Variants in F5 observed in about 807,000 individuals in gnomAD.
F5 encodes the protein activated protein c cofactor.
Under a neutral mutation model 216.4 loss-of-function variants are expected in F5, and 138 were observed. That is an observed-to-expected ratio of 0.64 (90% CI 0.56 to 0.73). The LOEUF (loss-of-function observed/expected upper bound fraction) is 0.73, where lower values mean the gene tolerates loss of function less well. F5 is among the 30% of genes least tolerant of loss of function. F5 has a pLI of 0.00. For missense variants in F5, 2,403 were observed against 2,674.0 expected (o/e 0.90, Z 2.24); for synonymous variants, 916 against 930.7 (o/e 0.98, Z 0.29).
intron 1 of F5, 64 bp from the exon 2 acceptor site, chr1:169,582,586 A>T (rs1661015165): frequency 1.2e-6 from 1 of 865,372 alleles, no homozygotes; most frequent in Non-Finnish European, 1.9e-6. Flanking sequence ...CACATTACAA[A>T]AAAAGTAGAT....
At chr1:169,577,303 C>T (rs1431971171) in intron 2 of F5, among the ~76,000 whole-genome samples, 1 of 151,982 alleles carries the variant, frequency 6.6e-6, no homozygotes, top group African/African-American at 2.4e-5. Flanking sequence ...TTTCAAAACT[C>T]CTTCAGGGAC....
chr1:169,529,536 A>G (rs1659539433), intron 16 of F5, 72 bp downstream of exon 16: 7 of 1,367,624 alleles, frequency 5.1e-6, no homozygotes, highest in Admixed American at 1.7e-5. Context: ...TCTTGTGAAT[A>G]TCTAAGGGCA....
rs987106941 is a variant in F5, at chr1:169,511,972, T to G, written c.*2341A>C. 1.3e-5 allele frequency among the ~76,000 whole-genome samples: 2 copies of G among 152,030 alleles called. No individual in the cohort carries two copies. The highest frequency in any genetic ancestry group is 4.8e-5 in the African/African-American group (2 of 41,412). ...AGAAATAAAAAGTGGGTATCTTTTT[T>G]ATTTCAAAATAACAGGGGTTTTAAT... On this transcript the variant is annotated 3_prime_UTR_variant, in exon 25 of 25. Transcript: ENST00000367797.
chr1:169,585,164 C>T (rs879917711), intron 1 of F5, among the ~76,000 whole-genome samples: 13 of 152,082 alleles, frequency 8.5e-5, no homozygotes, highest in South Asian at 6.2e-4. Context: ...CTTTGAAGTA[C>T]GATATTTAAA....
At chr1:169,538,480 C>CA (rs1189220590) in intron 13 of F5, among the ~76,000 whole-genome samples, 7 of 152,006 alleles carry the variant, frequency 4.6e-5, no homozygotes, top group Non-Finnish European at 7.4e-5. Context: ...GTTCTAACCA[C>CA]AAAAAAGTAT....
chr1:169,558,236 C>T (rs560335775), intron 5 of F5, among the ~76,000 whole-genome samples: 7 of 152,138 alleles, frequency 4.6e-5, no homozygotes, highest in South Asian at 4.1e-4. Flanking sequence ...TATCTAAGGT[C>T]GAGGTCAGTT....
chr1:169,522,334 A>G (rs1442334439), intron 21 of F5, among the ~76,000 whole-genome samples: 2 of 152,186 alleles, frequency 1.3e-5, no homozygotes, highest in Non-Finnish European at 2.9e-5. Context: ...GAAAGCTAGT[A>G]TAACTGTGGT....
rs746787195 is a variant in F5 at position 169,541,341 on chromosome 1, G to C, written c.3749C>G (p.Ser1250Cys). ...GAGGTTTGTCTGGCTGAGGTCTAAA[G>C]AAAGGGTTGTATGGCTGAGGTCTGG... ...LSPDLSHTTLSLDLSQTNLSP... is the reference protein window; with the variant it reads ...LSPDLSHTTLCLDLSQTNLSP... Residue 1250 changes from serine (S) to cysteine (C), a missense_variant, in exon 13 of 25, where the codon TCT becomes TGT. By Grantham distance (112) the Ser-to-Cys change is moderately radical (BLOSUM62 -1). This residue lies in a region of F5 where 1,425 missense variants were observed against 1,554.8 expected (regional missense o/e 0.92). Coordinates refer to ENST00000367797, the MANE Select transcript of F5 (RefSeq NM_000130.5). 6.8e-6 allele frequency: 11 copies of C among 1,610,558 alleles called. No individual in the cohort carries two copies. Among genetic ancestry groups the C allele is most frequent in the Non-Finnish European group, 9.3e-6 (11 of 1,178,568 alleles).
Position 169,530,900 on chromosome 1 carries a change from A to AT in F5, c.5093dup (p.Asn1698LysfsTer7), listed in dbSNP as rs1354967271. ...TATAACTGCTATTTGGCTGAACAGC[A>AT]TTATCTTCCTTAAACCATTCAGGAG... On this transcript the variant is annotated frameshift_variant, in exon 15 of 25. Coordinates refer to ENST00000367797, the MANE Select transcript of F5 (RefSeq NM_000130.5). LOFTEE classifies it high-confidence loss of function. The AT allele has an allele frequency of 1.2e-6, 2 of 1,613,942 alleles. No individual in the cohort carries two copies. Among genetic ancestry groups the AT allele is most frequent in the Non-Finnish European group, 1.7e-6 (2 of 1,179,870 alleles).
intron 3 of F5, among the ~76,000 whole-genome samples, chr1:169,562,292 T>C (rs1173579570): frequency 6.6e-6 from 1 of 152,096 alleles, no homozygotes; most frequent in Non-Finnish European, 1.5e-5. Context: ...TTACACACCC[T>C]TTTGTGTTGG....
At position 169,540,440 on chromosome 1, in the gene F5, G is replaced by T; in HGVS notation, c.4650C>A (p.Tyr1550Ter). Residue 1550 changes from tyrosine to a stop codon, truncating the protein, a stop_gained, in exon 13 of 25, where the codon TAC becomes TAA. Transcript: ENST00000367797. LOFTEE classifies it high-confidence loss of function. The part of the protein sequence containing the change: ...EIDYVPYDDP[Y>*]KTDVRTNINS... ...TGATGTTTGTCCTAACATCAGTTTT[G>T]TAGGGGTCATCATAGGGCACATAAT... is the stretch of plus-strand genomic sequence containing the variant. 6.2e-7 allele frequency: 1 copy of T among 1,613,984 alleles called. No homozygotes were observed. The highest frequency in any genetic ancestry group is 8.5e-7 in the Non-Finnish European group (1 of 1,179,944).
intron 11 of F5, among the ~76,000 whole-genome samples, chr1:169,546,038 A>C (rs1659993061): frequency 6.6e-6 from 1 of 152,094 alleles, no homozygotes; most frequent in Non-Finnish European, 1.5e-5. Flanking sequence ...GTGTCAATCC[A>C]TCTTTGGATT....
At position 169,541,641 on chromosome 1, in the gene F5, G is replaced by C. The variant is rs1659854566; in HGVS notation, c.3449C>G (p.Ser1150Cys). 6.2e-7 allele frequency: 1 copy of C among 1,614,036 alleles called. No homozygotes were observed. Among genetic ancestry groups the C allele is most frequent in the African/African-American group, 1.3e-5 (1 of 74,938 alleles). The change falls in exon 13 of 25, where the codon TCT becomes TGT. Residue 1150 changes from serine to cysteine, a missense_variant. Transcript: ENST00000367797. Reference protein sequence around the residue: ...STSDPSHRSSSPELSEMLEYD... With the variant: ...STSDPSHRSSCPELSEMLEYD... ...CTCAAGCATTTCACTGAGCTCTGGA[G>C]AAGAGGATCTGTGACTGGGGTCTGA...
rs1660740691 is a variant in F5 at position 169,572,212 on chromosome 1, T to A, written c.373+9A>T. 6.2e-7 allele frequency: 1 copy of A among 1,611,094 alleles called. No homozygotes were observed. Among genetic ancestry groups the A allele is most frequent in the South Asian group, 1.1e-5 (1 of 90,920 alleles). On this transcript the variant is annotated intron_variant, in intron 3 of 24. Transcript: ENST00000367797. ...TTCCCTTTTCAGAAAAATATTAGAT[T>A]TATCTTACCTTCTGATAATTTACTG...
At chr1:169,568,371 T>C (rs886278886) in intron 3 of F5, among the ~76,000 whole-genome samples, 2 of 152,132 alleles carry the variant, frequency 1.3e-5, no homozygotes, top group Non-Finnish European at 2.9e-5. Context: ...TCAATGCTTT[T>C]ATTCTTTTCA....
intron 13 of F5, among the ~76,000 whole-genome samples, chr1:169,536,967 A>G (rs1659719064): frequency 6.6e-6 from 1 of 151,854 alleles, no homozygotes; most frequent in Non-Finnish European, 1.5e-5. Context: ...TAGTATATAT[A>G]GTAAATTCCT....
chr1:169,520,532 A>G lies in F5; in HGVS notation c.6181T>C (p.Cys2061Arg), dbSNP rs987775725. Reference sequence around the variant, plus strand: ...CTTTGTACCTTACCATTTACCTCACAACCTTGCAGTTCCAATCGAAGGGTA... The same window carrying G: ...CTTTGTACCTTACCATTTACCTCACGACCTTGCAGTTCCAATCGAAGGGTA... ...RPTLRLELQG[C>R]EVNGCSTPLG... The change falls in exon 22 of 25, where the codon TGT (cysteine) becomes CGT (arginine). Residue 2061 changes from cysteine to arginine, a missense_variant. Cys to Arg is a radical substitution (Grantham distance 180). This residue lies in a region of F5 where 659 missense variants were observed against 787.9 expected (regional missense o/e 0.84). Coordinates refer to ENST00000367797, the MANE Select transcript of F5 (RefSeq NM_000130.5). 6.2e-7 allele frequency: 1 copy of G among 1,614,070 alleles called. No individual in the cohort carries two copies. The highest frequency in any genetic ancestry group is 1.1e-5 in the South Asian group (1 of 91,086).
intron 10 of F5, among the ~76,000 whole-genome samples, chr1:169,548,873 G>GAAAAAAA (rs375498661): frequency 9.6e-6 from 1 of 104,586 alleles, no homozygotes. Context: ...TGTCTCAAAA[G>GAAAAAAA]AAAAAAAAAA....
intron 10 of F5, among the ~76,000 whole-genome samples, chr1:169,549,579 T>G (rs1457548866): frequency 1.4e-5 from 2 of 141,314 alleles, no homozygotes; most frequent in African/African-American, 5.1e-5. Flanking sequence ...CAAAATATGT[T>G]ATCACACTCT....
Sources: allele counts gnomAD v4.1 joint callset (sites outside exome capture counted in the v4.1 genomes callset), GRCh38; gene constraint gnomAD v4.1.1; regional missense constraint gnomAD v4.1.1; transcripts MANE v1.5; gene names NCBI Gene and HGNC (gene_info 2026-07-23, HGNC 2026-07-21).